Variants in PDE11A observed in about 807,000 individuals in gnomAD.
PDE11A encodes the protein dual 3',5'-cyclic-AMP and -GMP phosphodiesterase 11A.
In PDE11A, 100 loss-of-function variants were observed where a neutral mutation model predicts 100.5. That is an observed-to-expected ratio of 1.00 (90% CI 0.85 to 1.18). PDE11A has a LOEUF of 1.18. Among genes scored for constraint, PDE11A ranks in the 50% most tolerant of loss-of-function variants. The probability of loss-of-function intolerance (pLI) is 0.00; values close to 1 mark genes in which losing one functional copy is unlikely to be tolerated. For synonymous variants in PDE11A, 381 were observed against 420.8 expected, an observed-to-expected ratio of 0.91 and a Z score of 1.16; for missense variants, 1,141 against 1,152.6, an observed-to-expected ratio of 0.99 and a Z score of 0.15.
intron 2 of PDE11A, among the ~76,000 whole-genome samples, chr2:177,991,021 C>A (rs2085998020): frequency 6.7e-6 from 1 of 149,154 alleles, no homozygotes; most frequent in African/African-American, 2.5e-5. Flanking sequence ...AAATAAAGAA[C>A]AAGTATTTAA....
intron 2 of PDE11A, among the ~76,000 whole-genome samples, chr2:177,934,005 T>C (rs1375814479): frequency 1.3e-5 from 2 of 152,158 alleles, no homozygotes; most frequent in Non-Finnish European, 2.9e-5. Context: ...GATTTAAATG[T>C]AAAACTTCAA....
intron 2 of PDE11A, among the ~76,000 whole-genome samples, chr2:177,947,131 A>G (rs1216358063): frequency 8.1e-4 from 2 of 2,472 alleles, no homozygotes; most frequent in East Asian, 0.1. Context: ...CCCCGTCCGG[A>G]AGGGAGGGAG....
chr2:177,629,546 T>G lies in PDE11A; in HGVS notation c.2663A>C (p.Asn888Thr). 4 of 1,614,022 alleles carry G rather than the reference T, an allele frequency of 2.5e-6. No individual in the cohort carries two copies. The highest frequency in any genetic ancestry group is 3.4e-6 in the Non-Finnish European group (4 of 1,179,960). ...MPLYQALVKV[N>T]VKLKPMLDSV... ...ATCTAGCATCGGCTTCAGTTTCACGTTGACCTTCACCAGTGCCTAAAACAA... is the reference window on the plus strand; with the variant it reads ...ATCTAGCATCGGCTTCAGTTTCACGGTGACCTTCACCAGTGCCTAAAACAA... Residue 888 changes from asparagine to threonine, a missense_variant, in exon 20 of 20, where the codon AAC becomes ACC. Transcript: ENST00000286063.
intron 2 of PDE11A, among the ~76,000 whole-genome samples, chr2:177,927,645 T>C (rs12693133): frequency 0.086 from 13,167 of 152,222 alleles, 545 homozygotes; most frequent in South Asian, 0.099. Context: ...AATGGGACAA[T>C]AAAATAACTG....
chr2:177,938,213 A>T (rs2085301748), intron 2 of PDE11A, among the ~76,000 whole-genome samples: 1 of 152,216 alleles, frequency 6.6e-6, no homozygotes, highest in Non-Finnish European at 1.5e-5. Context: ...CATGCTGCTT[A>T]GGATGCCTCC....
intron 6 of PDE11A, among the ~76,000 whole-genome samples, chr2:177,835,029 G>T (rs551895279): frequency 9.9e-5 from 15 of 152,158 alleles, no homozygotes; most frequent in African/African-American, 2.6e-4. Context: ...GAACGCAAAG[G>T]TTATGACAAC....
chr2:177,781,682 A>T (rs1472767598), intron 9 of PDE11A, among the ~76,000 whole-genome samples: 2 of 152,202 alleles, frequency 1.3e-5, no homozygotes, highest in East Asian at 3.9e-4. Flanking sequence ...TTGTAGTTTT[A>T]GTAGAGAAGG....
At chr2:177,685,881 A>G (rs2080941029) in intron 15 of PDE11A, among the ~76,000 whole-genome samples, 1 of 152,156 alleles carries the variant, frequency 6.6e-6, no homozygotes, top group African/African-American at 2.4e-5. Context: ...TCCTTTCTAT[A>G]AAAAATGCAA....
intron 9 of PDE11A, among the ~76,000 whole-genome samples, chr2:177,789,011 A>G (rs1435060301): frequency 6.6e-6 from 1 of 152,230 alleles, no homozygotes; most frequent in Admixed American, 6.5e-5. Flanking sequence ...TCAACAGAAA[A>G]AGAGGGAATT....
intron 1 of PDE11A, among the ~76,000 whole-genome samples, chr2:178,053,357 T>G (rs867323296): frequency 2.0e-5 from 3 of 152,150 alleles, no homozygotes; most frequent in Admixed American, 1.3e-4. Context: ...ATTGATGGGA[T>G]GTATCTCAAA....
At chr2:177,711,245 C>T (rs1464218851) in intron 13 of PDE11A, among the ~76,000 whole-genome samples, 1 of 152,190 alleles carries the variant, frequency 6.6e-6, no homozygotes, top group Non-Finnish European at 1.5e-5. Flanking sequence ...TTGTTTCTTC[C>T]ACCTTTCTAT....
At chr2:178,010,347 G>A (rs752213933) in intron 2 of PDE11A, among the ~76,000 whole-genome samples, 1 of 152,196 alleles carries the variant, frequency 6.6e-6, no homozygotes, top group Non-Finnish European at 1.5e-5. Context: ...TTGAACGTGG[G>A]ACAAGGTTTT....
chr2:177,705,031 A>G (rs1436660083), intron 13 of PDE11A, among the ~76,000 whole-genome samples: 1 of 152,110 alleles, frequency 6.6e-6, no homozygotes, highest in African/African-American at 2.4e-5. Context: ...TAGTAAAGGC[A>G]AAGTTTCACC....
chr2:177,854,796 T>C lies in PDE11A; in HGVS notation c.1368-14413A>G, dbSNP rs573991083. 2.6e-5 allele frequency among the ~76,000 whole-genome samples: 4 copies of C among 152,224 alleles called. No individual in the cohort carries two copies. In the South Asian group the frequency reaches 8.3e-4, roughly 32 times the overall value. On this transcript the variant is annotated intron_variant, in intron 5 of 19. Transcript: ENST00000286063. ...CAGTCTTGTCTTCCATTGAGCTAAT[T>C]CAGACCTGCTCAGCCACCTCCTTGC...
intron 1 of PDE11A, among the ~76,000 whole-genome samples, chr2:178,049,026 G>A (rs1375573967): frequency 6.6e-6 from 1 of 152,088 alleles, no homozygotes; most frequent in Non-Finnish European, 1.5e-5. Flanking sequence ...TGAAAGGAAA[G>A]GGATAGCATC....
intron 2 of PDE11A, chr2:178,092,940 A>T (rs2087442672): frequency 6.6e-6 from 1 of 152,246 alleles, no homozygotes; most frequent in Non-Finnish European, 1.5e-5. Context: ...ATATTCCATC[A>T]GAGTCTCTTC....
chr2:177,979,328 C>T (rs2105801560), intron 2 of PDE11A, among the ~76,000 whole-genome samples: 1 of 150,068 alleles, frequency 6.7e-6, no homozygotes, highest in Non-Finnish European at 1.5e-5. Flanking sequence ...TGGGGGTGAC[C>T]AATATAAAAA....
chr2:177,836,819 C>T (rs1366250402), intron 6 of PDE11A, among the ~76,000 whole-genome samples: 2 of 152,192 alleles, frequency 1.3e-5, no homozygotes, highest in Non-Finnish European at 1.5e-5. Context: ...AGCTGTAACA[C>T]TCACCACGAA....
chr2:178,077,587 C>A (rs1475030165), upstream of PDE11A, among the ~76,000 whole-genome samples: 1 of 152,146 alleles, frequency 6.6e-6, no homozygotes, highest in South Asian at 2.1e-4. Flanking sequence ...AAAAATGGCA[C>A]ATTAAGGCCT....
Sources: allele counts gnomAD v4.1 joint callset (sites outside exome capture counted in the v4.1 genomes callset), GRCh38; gene constraint gnomAD v4.1.1; transcripts MANE v1.5; gene names NCBI Gene and HGNC (gene_info 2026-07-23, HGNC 2026-07-21).